GOT1: variants seen among roughly 807,000 people sequenced by gnomAD.
The protein encoded by GOT1 is glutamic-oxaloacetic transaminase 1, also known as aspartate aminotransferase, cytoplasmic.
In GOT1, 25 loss-of-function variants were observed where a neutral mutation model predicts 48.2. The ratio of observed to expected loss-of-function variants is 0.52; its 90% CI spans 0.38 to 0.72. GOT1 has a LOEUF of 0.72. GOT1 is among the 30% of genes least tolerant of loss of function. GOT1 has a pLI of 0.00. For missense variants in GOT1, 380 were observed against 520.1 expected, an observed-to-expected ratio of 0.73 and a Z score of 2.62; for synonymous variants, 188 against 193.8, an observed-to-expected ratio of 0.97 and a Z score of 0.25.
chr10:99,416,013 TC>T (rs978759904), intron 2 of GOT1, among the ~76,000 whole-genome samples: 3 of 152,170 alleles, frequency 2.0e-5, no homozygotes, highest in Admixed American at 6.5e-5. Flanking sequence ...CTGGAAGCAT[TC>T]CCTTTGAAAA....
chr10:99,402,833 C>T, intron 7 of GOT1, 111 bp from the exon 8 acceptor site: 1 of 859,654 alleles, frequency 1.2e-6, no homozygotes, highest in Non-Finnish European at 1.9e-6. Flanking sequence ...GGGATCATAA[C>T]CTGCCTATTA....
Position 99,403,226 on chromosome 10 carries a change from G to T in GOT1, c.959+243C>A, listed in dbSNP as rs375766029. Among the ~76,000 whole-genome samples the T allele has an allele frequency of 2.5e-4, 35 of 142,054 alleles. 1 individual carries two copies. Among genetic ancestry groups the T allele is most frequent in the Admixed American group, 9.4e-4 (14 of 14,848 alleles). 93.2% of individuals were successfully genotyped at this position (142,054 alleles called of 152,430 possible). On this transcript the variant is annotated intron_variant, in intron 7 of 8. Coordinates refer to ENST00000370508, the MANE Select transcript of GOT1 (RefSeq NM_002079.3). ...AACTTCATGGAGAGGAAGACTGGGT[G>T]GGGGGGGAAATTGGGGAAAACTACC...
intron 8 of GOT1, among the ~76,000 whole-genome samples, chr10:99,398,548 T>C (rs2032628635): frequency 6.6e-6 from 1 of 152,130 alleles, no homozygotes. Context: ...CATGTGCCTA[T>C]GGTCCCAGCT....
intron 2 of GOT1, among the ~76,000 whole-genome samples, chr10:99,417,023 G>T (rs2032904882): frequency 6.6e-6 from 1 of 152,134 alleles, no homozygotes; most frequent in Admixed American, 6.6e-5. Flanking sequence ...GCATGGGCAA[G>T]GACTTCATGT....
intron 1 of GOT1, among the ~76,000 whole-genome samples, chr10:99,423,305 G>T (rs1335443634): frequency 6.6e-6 from 1 of 152,100 alleles, no homozygotes; most frequent in Non-Finnish European, 1.5e-5. Flanking sequence ...TTTATTAACT[G>T]TGTTGCTTTA....
intron 2 of GOT1, among the ~76,000 whole-genome samples, chr10:99,407,202 T>TGC (rs1165383526): frequency 6.6e-6 from 1 of 152,010 alleles, no homozygotes; most frequent in African/African-American, 2.4e-5. Context: ...TGTGTGTGTG[T>TGC]GTGCATGCAC....
At chr10:99,414,312 T>A (rs2032865954) in intron 2 of GOT1, among the ~76,000 whole-genome samples, 1 of 152,068 alleles carries the variant, frequency 6.6e-6, no homozygotes, top group Admixed American at 6.5e-5. Flanking sequence ...AAAACAGACT[T>A]TAAACCAACA....
intron 2 of GOT1, among the ~76,000 whole-genome samples, chr10:99,414,181 G>T (rs555682448): frequency 6.6e-6 from 1 of 152,310 alleles, no homozygotes; most frequent in African/African-American, 2.4e-5. Context: ...TCAGTGTGCT[G>T]TATTCAGGAA....
At chr10:99,422,115 G>T (rs2032977435) in intron 1 of GOT1, among the ~76,000 whole-genome samples, 1 of 152,134 alleles carries the variant, frequency 6.6e-6, no homozygotes, top group Admixed American at 6.5e-5. Flanking sequence ...GGACCATGGG[G>T]GCAGATTTCT....
chr10:99,411,430 A>C (rs2032826948), intron 2 of GOT1, among the ~76,000 whole-genome samples: 1 of 152,192 alleles, frequency 6.6e-6, no homozygotes, highest in Non-Finnish European at 1.5e-5. Context: ...GAGAAGAAAA[A>C]TCTAAGGGAA....
At chr10:99,414,203 G>A (rs1199027944) in intron 2 of GOT1, among the ~76,000 whole-genome samples, 3 of 152,020 alleles carry the variant, frequency 2.0e-5, no homozygotes, top group East Asian at 1.9e-4. Flanking sequence ...CCCATCTCAC[G>A]TGCAGAGACA....
chr10:99,427,257 TTTTATTTA>T (rs567523650), intron 1 of GOT1, among the ~76,000 whole-genome samples: 8 of 151,978 alleles, frequency 5.3e-5, no homozygotes, highest in African/African-American at 9.7e-5. Context: ...GTAGAATCTT[TTTTATTTA>T]TTTATTTATT....
intron 1 of GOT1, among the ~76,000 whole-genome samples, chr10:99,429,536 T>A (rs2033087479): frequency 6.6e-6 from 1 of 152,138 alleles, no homozygotes; most frequent in South Asian, 2.1e-4. Context: ...CATTTTCATC[T>A]CTCTGGCTGG....
rs375375767 is a variant in GOT1 at position 99,430,600 on chromosome 10, C to A, written c.-35G>T. 6.3e-5 allele frequency: 96 copies of A among 1,527,158 alleles called. 1 individual carries two copies. The East Asian group carries it at 7.8e-4, about 12-fold the overall frequency. 94.6% of individuals were successfully genotyped at this position (1,527,158 alleles called of 1,614,324 possible). Reference sequence around the variant, plus strand: ...CTAGGAATCAAGAGATTTCACCCCACGCCCGGAGCTGGCAGGTCAGGTCTG... The same window carrying A: ...CTAGGAATCAAGAGATTTCACCCCAAGCCCGGAGCTGGCAGGTCAGGTCTG... On this transcript the variant is annotated 5_prime_UTR_variant, in exon 1 of 9. Transcript: ENST00000370508.
At chr10:99,429,062 T>A (rs1456832098) in intron 1 of GOT1, among the ~76,000 whole-genome samples, 2 of 152,096 alleles carry the variant, frequency 1.3e-5, no homozygotes, top group Non-Finnish European at 2.9e-5. Context: ...ACTTTTTTTT[T>A]TTTTTGAGAA....
chr10:99,416,118 A>T (rs894326119), intron 2 of GOT1, among the ~76,000 whole-genome samples: 1 of 152,180 alleles, frequency 6.6e-6, no homozygotes, highest in East Asian at 1.9e-4. Context: ...AAAGAAATAC[A>T]AGGTATTCAA....
intron 1 of GOT1, among the ~76,000 whole-genome samples, chr10:99,427,863 G>A (rs2033061501): frequency 6.6e-6 from 1 of 152,204 alleles, no homozygotes; most frequent in South Asian, 2.1e-4. Context: ...CACCTCTCCA[G>A]TCTTCGGCTT....
At chr10:99,427,323 C>A (rs1351243541) in intron 1 of GOT1, among the ~76,000 whole-genome samples, 1 of 152,168 alleles carries the variant, frequency 6.6e-6, no homozygotes, top group African/African-American at 2.4e-5. Flanking sequence ...GGCTGGAGTG[C>A]AGTGGCGCGA....
chr10:99,396,901 G>C lies in GOT1; in HGVS notation c.*646C>G, dbSNP rs2032609872. 6.6e-6 allele frequency: 1 copy of C among 152,074 alleles called. No individual in the cohort carries two copies. Among genetic ancestry groups the C allele is most frequent in the Admixed American group, 6.6e-5 (1 of 15,260 alleles). 9.4% of individuals were successfully genotyped at this position (152,074 alleles called of 1,614,324 possible). On this transcript the variant is annotated 3_prime_UTR_variant, in exon 9 of 9. Coordinates refer to ENST00000370508, the MANE Select transcript of GOT1 (RefSeq NM_002079.3). ...TCAACATTTTTATTTTATTTTTTTA[G>C]GTGAAGTAGAACACAATAGAATGGC...
Sources: allele counts gnomAD v4.1 joint callset (sites outside exome capture counted in the v4.1 genomes callset), GRCh38; gene constraint gnomAD v4.1.1; transcripts MANE v1.5; gene names NCBI Gene and HGNC (gene_info 2026-07-23, HGNC 2026-07-21).